RNF220: variants seen among roughly 807,000 people sequenced by gnomAD.
RNF220 encodes the protein E3 ubiquitin-protein ligase RNF220.
RNF220 carries 7 observed loss-of-function variants against 67.1 expected under a neutral mutation model. The ratio of observed to expected loss-of-function variants is 0.10; its 90% CI spans 0.06 to 0.20. The LOEUF (loss-of-function observed/expected upper bound fraction) is 0.20. RNF220 is among the 10% of genes least tolerant of loss of function. RNF220 has a pLI of 1.00. For missense variants in RNF220, 565 were observed against 740.3 expected (o/e 0.76, Z 2.75); for synonymous variants, 270 against 283.2 (o/e 0.95, Z 0.47).
In RNF220 at chr1:44,650,931, C is replaced by A; in HGVS notation, c.*156C>A. 1.5e-6 allele frequency: 1 copy of A among 680,928 alleles called. No homozygotes were observed. The highest frequency in any genetic ancestry group is 2.6e-6 in the Non-Finnish European group (1 of 384,328). 42.2% of individuals were successfully genotyped at this position (680,928 alleles called of 1,614,324 possible). Reference sequence around the variant, plus strand: ...GCGTACACACACACACATTTACACACGCAGGACTCTGGAGCCAGAGTAGAG... The same window carrying A: ...GCGTACACACACACACATTTACACAAGCAGGACTCTGGAGCCAGAGTAGAG... On this transcript the variant is annotated 3_prime_UTR_variant, in exon 15 of 15. Coordinates refer to ENST00000361799, the MANE Select transcript of RNF220 (RefSeq NM_018150.4). This position sits in a 1 kb window ranked among gnomAD's most constrained non-coding sequence, Gnocchi z 4.3.
chr1:44,415,740 A>G (rs1215737731), intron 2 of RNF220, among the ~76,000 whole-genome samples: 1 of 152,126 alleles, frequency 6.6e-6, no homozygotes, highest in African/African-American at 2.4e-5. Context: ...TGTGTCCTTT[A>G]CTTAGAGCAG....
Position 44,645,372 on chromosome 1 carries a change from G to T in RNF220, c.1367-38G>T, listed in dbSNP as rs374186350. The stretch of plus-strand genomic sequence containing the variant: ...CCCAACCCCTCACCTGTGCTGCCCA[G>T]TCTGGCCGGAGTGTGAGTTGCCCCT... On this transcript the variant is annotated intron_variant, in intron 11 of 14. Coordinates refer to ENST00000361799, the MANE Select transcript of RNF220 (RefSeq NM_018150.4). This position sits in a 1 kb window ranked among gnomAD's most constrained non-coding sequence, Gnocchi z 5.0. 3.7e-6 allele frequency: 6 copies of T among 1,613,870 alleles called. No individual in the cohort carries two copies. Among genetic ancestry groups the T allele is most frequent in the Non-Finnish European group, 5.1e-6 (6 of 1,179,852 alleles).
chr1:44,472,632 A>T (rs916416043), intron 2 of RNF220, among the ~76,000 whole-genome samples: 1 of 152,162 alleles, frequency 6.6e-6, no homozygotes, highest in African/African-American at 2.4e-5. Context: ...TAAAATAAAC[A>T]TTTCTGAGTG....
intron 2 of RNF220, among the ~76,000 whole-genome samples, chr1:44,443,604 T>C (rs546904636): frequency 6.6e-6 from 1 of 152,356 alleles, no homozygotes; most frequent in South Asian, 2.1e-4. Context: ...TTTCTCACCA[T>C]TCTCCTCTTA....
rs1448091472 is a variant in RNF220 at position 44,536,257 on chromosome 1, C to T, written c.626-77908C>T. On this transcript the variant is annotated intron_variant, in intron 2 of 14. Coordinates refer to ENST00000361799, the MANE Select transcript of RNF220 (RefSeq NM_018150.4). Reference sequence around the variant, plus strand: ...GAGAGCCCAGAGGCAGAAACGAACTCTTTGCAAGAACGACGCATCTCCAGA... The same window carrying T: ...GAGAGCCCAGAGGCAGAAACGAACTTTTTGCAAGAACGACGCATCTCCAGA... 2.6e-5 allele frequency among the ~76,000 whole-genome samples: 4 copies of T among 152,208 alleles called. No individual in the cohort carries two copies. In the East Asian group the frequency reaches 5.8e-4, roughly 22 times the overall value.
At chr1:44,469,224 G>A (rs1175075767) in intron 2 of RNF220, among the ~76,000 whole-genome samples, 1 of 152,166 alleles carries the variant, frequency 6.6e-6, no homozygotes, top group Non-Finnish European at 1.5e-5. Context: ...TTTAAGTAGA[G>A]AATAAATAAC....
At chr1:44,489,831 G>T (rs755703947) in intron 2 of RNF220, among the ~76,000 whole-genome samples, 9 of 152,270 alleles carry the variant, frequency 5.9e-5, no homozygotes, top group Non-Finnish European at 1.0e-4. Flanking sequence ...CTGAAATAGG[G>T]GAAAGGGTAG....
chr1:44,464,309 T>C (rs1220781277), intron 2 of RNF220, among the ~76,000 whole-genome samples: 2 of 152,224 alleles, frequency 1.3e-5, no homozygotes, highest in African/African-American at 4.8e-5. Context: ...CCATGTGTCC[T>C]TTATTGTCCT....
At chr1:44,533,687 C>T (rs74070511) in intron 2 of RNF220, among the ~76,000 whole-genome samples, 1,564 of 152,220 alleles carry the variant, frequency 0.01, 27 homozygotes, top group African/African-American at 0.035. Context: ...AGGGTGCTTC[C>T]AGCACATGAA....
At position 44,614,235 on chromosome 1, in the gene RNF220, G is replaced by A. The variant is rs777616282; in HGVS notation, c.696G>A (p.Arg232=). The change falls in exon 3 of 15, where the codon AGG becomes AGA. Residue 232 remains arginine, a synonymous_variant. Coordinates refer to ENST00000361799, the MANE Select transcript of RNF220 (RefSeq NM_018150.4). ...PICPICQVLL[R]PSELQEHMEQ... ...GCCCCATCTGCCAGGTCCTGCTGAG[G>A]CCCAGTGAGCTGCAGGAGCATATGG... 1 of 1,614,192 alleles carries A rather than the reference G, an allele frequency of 6.2e-7. No individual in the cohort carries two copies. Among genetic ancestry groups the A allele is most frequent in the South Asian group, 1.1e-5 (1 of 91,080 alleles).
At chr1:44,444,083 TCC>T (rs1275506430) in intron 2 of RNF220, among the ~76,000 whole-genome samples, 2 of 152,120 alleles carry the variant, frequency 1.3e-5, no homozygotes, top group African/African-American at 4.8e-5. Flanking sequence ...AGAGCAAGAC[TCC>T]GTCTCAAAAA....
At chr1:44,637,356 G>A (rs1433118610) in intron 8 of RNF220, among the ~76,000 whole-genome samples, 2 of 152,240 alleles carry the variant, frequency 1.3e-5, no homozygotes, top group Non-Finnish European at 2.9e-5. Flanking sequence ...CGGAGCTGGA[G>A]AGTGTTAGTT....
At chr1:44,560,590 C>G (rs979932118) in intron 2 of RNF220, among the ~76,000 whole-genome samples, 1 of 152,138 alleles carries the variant, frequency 6.6e-6, no homozygotes, top group Non-Finnish European at 1.5e-5. Flanking sequence ...CTGAGACAGT[C>G]TCACTCTGTT....
At chr1:44,631,854 C>T in intron 5 of RNF220, 1 of 965,030 alleles carries the variant, frequency 1.0e-6, no homozygotes, top group Non-Finnish European at 1.2e-6. Context: ...CCCGGGGAGG[C>T]TTCTGCCGGT....
At chr1:44,474,815 A>G (rs1655145546) in intron 2 of RNF220, among the ~76,000 whole-genome samples, 1 of 152,186 alleles carries the variant, frequency 6.6e-6, no homozygotes, top group Non-Finnish European at 1.5e-5. Flanking sequence ...GTATCTAGAG[A>G]TTATTTAAAA....
intron 2 of RNF220, among the ~76,000 whole-genome samples, chr1:44,501,233 G>C (rs553744469): frequency 1.3e-4 from 19 of 151,708 alleles, no homozygotes; most frequent in Admixed American, 6.6e-4. Context: ...GGAAGGGTGT[G>C]GGGGGGTGAC....
chr1:44,516,477 A>G (rs937303177), intron 2 of RNF220, among the ~76,000 whole-genome samples: 4 of 152,252 alleles, frequency 2.6e-5, no homozygotes, highest in Non-Finnish European at 5.9e-5. Context: ...TGGATGCATG[A>G]ATTTTAAGTC....
At chr1:44,406,091 A>C (rs898049258) in intron 1 of RNF220, among the ~76,000 whole-genome samples, 1 of 152,182 alleles carries the variant, frequency 6.6e-6, no homozygotes, top group African/African-American at 2.4e-5. Flanking sequence ...AGAAGGGGCG[A>C]GCCGAATGAG....
rs564333580 is a variant in RNF220, at chr1:44,575,133, C to G, written c.626-39032C>G. Among the ~76,000 whole-genome samples the G allele has an allele frequency of 2.6e-5, 4 of 151,900 alleles. No homozygotes were observed. In the South Asian group the frequency reaches 6.2e-4, roughly 24 times the overall value. ...TTCCATTAGAACTTATTCCTTCCAT[C>G]TAACTGTATTATTGTACCCATTAAC... is the stretch of plus-strand genomic sequence containing the variant. On this transcript the variant is annotated intron_variant, in intron 2 of 14. Coordinates refer to ENST00000361799, the MANE Select transcript of RNF220 (RefSeq NM_018150.4).
Sources: allele counts gnomAD v4.1 joint callset (sites outside exome capture counted in the v4.1 genomes callset), GRCh38; gene constraint gnomAD v4.1.1; non-coding constraint Gnocchi (gnomAD v3.1); transcripts MANE v1.5; gene names NCBI Gene and HGNC (gene_info 2026-07-23, HGNC 2026-07-21).